SUPT6H: variants seen among roughly 807,000 people sequenced by gnomAD.
The protein encoded by SUPT6H is SPT6 homolog, histone chaperone and transcription elongation factor.
A neutral mutation model predicts 222.3 loss-of-function variants in SUPT6H; 11 were observed. The ratio of observed to expected loss-of-function variants is 0.05; its 90% CI spans 0.03 to 0.08. SUPT6H has a LOEUF of 0.08. Among genes scored for constraint, SUPT6H ranks in the 10% least tolerant of loss-of-function variants. The pLI is 1.00. For missense variants in SUPT6H, 1,422 were observed against 2,216.0 expected, an observed-to-expected ratio of 0.64 and a Z score of 7.19; for synonymous variants, 762 against 801.2, an observed-to-expected ratio of 0.95 and a Z score of 0.83.
intron 32 of SUPT6H, among the ~76,000 whole-genome samples, chr17:28,698,480 C>CCTGCTCTGCCTG (rs151137595): frequency 1.3e-5 from 2 of 152,196 alleles, no homozygotes; most frequent in African/African-American, 4.8e-5. Flanking sequence ...TGCTCTGTCT[C>CCTGCTCTGCCTG]CTGCTCTGCC....
At chr17:28,666,323 A>G (rs2030006764) in intron 1 of SUPT6H, among the ~76,000 whole-genome samples, 1 of 152,262 alleles carries the variant, frequency 6.6e-6, no homozygotes, top group Non-Finnish European at 1.5e-5. Flanking sequence ...CATGTTATGT[A>G]TGCTGTGCTA....
chr17:28,702,096 A>C lies in SUPT6H; in HGVS notation c.*471A>C, dbSNP rs2032158770. 1 of 155,710 alleles carries C rather than the reference A, an allele frequency of 6.4e-6. No individual in the cohort carries two copies. The highest frequency in any genetic ancestry group is 2.0e-4 in the South Asian group (1 of 4,976). The allele number at this position is 155,710 out of a possible 1,614,324, so 9.6% of individuals were successfully genotyped here. A position where few individuals can be genotyped will look rare whatever the true frequency, so the allele number is the denominator to read the frequency against. On this transcript the variant is annotated 3_prime_UTR_variant, in exon 37 of 37. Coordinates refer to ENST00000314616, the MANE Select transcript of SUPT6H (RefSeq NM_003170.5). Reference sequence around the variant, plus strand: ...GGAAAGTATTTCTGACCCTGATGCCAACAGCCGGGTGGCTGTCCAAGCAGG... The same window carrying C: ...GGAAAGTATTTCTGACCCTGATGCCCACAGCCGGGTGGCTGTCCAAGCAGG...
In SUPT6H at chr17:28,688,236, G is replaced by A. The variant is rs772492374; in HGVS notation, c.3134+18G>A. The A allele has an allele frequency of 4.2e-5, 68 of 1,611,028 alleles. No individual in the cohort carries two copies. The highest frequency in any genetic ancestry group is 5.6e-5 in the Non-Finnish European group (66 of 1,178,666). ...GGGGACAGGTGATGCCCTCTGCCTG[G>A]ATGGGGCAGGAGGAATTCCCTTGTG... On this transcript the variant is annotated intron_variant, in intron 24 of 36. Coordinates refer to ENST00000314616, the MANE Select transcript of SUPT6H (RefSeq NM_003170.5). This position sits in a 1 kb window ranked among gnomAD's most constrained non-coding sequence, Gnocchi z 4.3.
At chr17:28,697,792 C>A in intron 31 of SUPT6H, 59 bp downstream of exon 31, 1 of 1,609,714 alleles carries the variant, frequency 6.2e-7, no homozygotes, top group Non-Finnish European at 8.5e-7. Context: ...TGTACGCTTT[C>A]CCTTCAGTAT....
At chr17:28,689,288 G>T in intron 24 of SUPT6H, 66 bp from the exon 25 acceptor site, 1 of 1,487,930 alleles carries the variant, frequency 6.7e-7, no homozygotes, top group Non-Finnish European at 9.3e-7. Flanking sequence ...CCCCATTGGT[G>T]GACATTTGGG....
chr17:28,686,640 A>G lies in SUPT6H; in HGVS notation c.2565-14A>G. 1.3e-6 allele frequency: 2 copies of G among 1,581,744 alleles called. No individual in the cohort carries two copies. The highest frequency in any genetic ancestry group is 1.7e-6 in the Non-Finnish European group (2 of 1,165,836). On this transcript the variant is annotated splice_polypyrimidine_tract_variant and intron_variant, in intron 20 of 36. Coordinates refer to ENST00000314616, the MANE Select transcript of SUPT6H (RefSeq NM_003170.5). Reference sequence around the variant, plus strand: ...TAAGAAAACATATTCATTGACCAACACTCATCCCACCAGGGACGCCCAGAT... The same window carrying G: ...TAAGAAAACATATTCATTGACCAACGCTCATCCCACCAGGGACGCCCAGAT...
chr17:28,678,401 G>C (rs1597697117), intron 9 of SUPT6H, 144 bp from the exon 10 acceptor site: 1 of 892,370 alleles, frequency 1.1e-6, no homozygotes, highest in Non-Finnish European at 1.8e-6. Flanking sequence ...AAAGCACCAG[G>C]CCCTGGAAGG....
At chr17:28,676,009 C>G in intron 6 of SUPT6H, 148 bp from the exon 7 acceptor site, 1 of 898,254 alleles carries the variant, frequency 1.1e-6, no homozygotes, top group Non-Finnish European at 1.6e-6. Context: ...GCCAATGAAG[C>G]CTTTCGTCCA....
At position 28,673,756 on chromosome 17, in the gene SUPT6H, T is replaced by C. The variant is rs113894783; in HGVS notation, c.109+246T>C. The C allele has an allele frequency of 4.7e-5, 23 of 494,194 alleles. No homozygotes were observed. The Middle Eastern group carries it at 1.6e-3, about 34-fold the overall frequency. 30.6% of individuals were successfully genotyped at this position (494,194 alleles called of 1,614,324 possible). On this transcript the variant is annotated intron_variant, in intron 2 of 36. Transcript: ENST00000314616. ...TGTGGAGTTTACTTTAGTTGGGGGG[T>C]GGTTGATAATAAATCAGTAGATAAG...
In SUPT6H at chr17:28,675,105, G is replaced by A. The variant is rs1444347644; in HGVS notation, c.481G>A (p.Ala161Thr). Residue 161 changes from alanine (A) to threonine (T), a missense_variant, in exon 5 of 37, where the codon GCC (alanine) becomes ACC (threonine). Ala to Thr is a moderately conservative substitution (Grantham distance 58, BLOSUM62 0). Around this residue, in one of 13 missense-constraint regions of SUPT6H, gnomAD observed 389 missense variants for 544.6 expected, o/e 0.71. Coordinates refer to ENST00000314616, the MANE Select transcript of SUPT6H (RefSeq NM_003170.5). ...TGGGGAAGGGGAAGAAGGGCAGGAG[G>A]CCATGGAGGCCCCCATGGCTCCTCC... ...QDGEGEEGQE[A>T]MEAPMAPPEE... 2 of 1,614,014 alleles carry A rather than the reference G, an allele frequency of 1.2e-6. No individual in the cohort carries two copies. The highest frequency in any genetic ancestry group is 1.7e-6 in the Non-Finnish European group (2 of 1,179,978).
chr17:28,663,396 G>A (rs1441861092), intron 1 of SUPT6H, among the ~76,000 whole-genome samples: 1 of 152,166 alleles, frequency 6.6e-6, no homozygotes, highest in East Asian at 1.9e-4. Context: ...AACTCTAGGA[G>A]GTTTTAACTT....
At position 28,678,942 on chromosome 17, in the gene SUPT6H, T is replaced by A. The variant is rs373962338; in HGVS notation, c.1328T>A (p.Leu443Gln). 5 of 1,614,238 alleles carry A rather than the reference T, an allele frequency of 3.1e-6. No homozygotes were observed. The highest frequency in any genetic ancestry group is 4.2e-6 in the Non-Finnish European group (5 of 1,180,040). ...CCTCTTGCTGATGGCATCCGGGCTC[T>A]GGACACCACTGACATGGAGAGGTAA... is the stretch of plus-strand genomic sequence containing the variant. ...DKPLADGIRALDTTDMERLKD... is the reference protein window; with the variant it reads ...DKPLADGIRAQDTTDMERLKD... Residue 443 changes from leucine (L) to glutamine (Q), a missense_variant, in exon 11 of 37, where the codon CTG becomes CAG. Physicochemically the swap from Leu to Gln is moderately radical, Grantham distance 113. Transcript: ENST00000314616.
intron 25 of SUPT6H, 120 bp downstream of exon 25, chr17:28,689,681 C>T: frequency 2.1e-6 from 2 of 947,430 alleles, no homozygotes; most frequent in Non-Finnish European, 3.2e-6. Context: ...AGACTTGATC[C>T]TCATCTCCCT....
intron 1 of SUPT6H, among the ~76,000 whole-genome samples, chr17:28,669,663 G>A (rs1376540643): frequency 6.6e-6 from 1 of 152,206 alleles, no homozygotes; most frequent in East Asian, 1.9e-4. Flanking sequence ...AGCCGGGCGT[G>A]GTGGCTCACG....
rs760915054 is a variant in SUPT6H at position 28,676,154 on chromosome 17, C to T, written c.624-3C>T. The stretch of plus-strand genomic sequence containing the variant: ...GCCACCTGCCTCTTGCTGCCACCTA[C>T]AGGGCCCTGCAAGAAGCCCAGGAAA... On this transcript the variant is annotated splice_region_variant and splice_polypyrimidine_tract_variant and intron_variant, in intron 6 of 36. Transcript: ENST00000314616. 1 of 1,581,932 alleles carries T rather than the reference C, an allele frequency of 6.3e-7. No homozygotes were observed. The highest frequency in any genetic ancestry group is 2.2e-5 in the East Asian group (1 of 44,736).
chr17:28,688,358 C>A lies in SUPT6H; in HGVS notation c.3134+140C>A. The stretch of plus-strand genomic sequence containing the variant: ...TAAAGAAAAGGTAAGGAACTTTATT[C>A]AGTCAAGAGCCCCTGACCTATGGAA... On this transcript the variant is annotated intron_variant, in intron 24 of 36. Transcript: ENST00000314616. This position sits in a 1 kb window ranked among gnomAD's most constrained non-coding sequence, Gnocchi z 4.3. The A allele has an allele frequency of 9.3e-7, 1 of 1,073,130 alleles. No homozygotes were observed. The highest frequency in any genetic ancestry group is 1.9e-5 in the South Asian group (1 of 52,040). 66.5% of individuals were successfully genotyped at this position (1,073,130 alleles called of 1,614,324 possible).
In SUPT6H at chr17:28,692,321, CA is replaced by C. The variant is rs764698257; in HGVS notation, c.3633+1273del. Among the ~76,000 whole-genome samples the C allele has an allele frequency of 1.9e-3, 206 of 109,962 alleles. 1 individual carries two copies. The highest frequency in any genetic ancestry group is 1.9e-3 in the Admixed American group (20 of 10,488). The allele number at this position is 109,962 out of a possible 152,430, so 72.1% of individuals were successfully genotyped here. ...CCTGGGCGACAGCGAGACTCTGTCTCAAAAAAAAAAAAAAAGTGGGGAGGGG... is the reference window on the plus strand; with the variant it reads ...CCTGGGCGACAGCGAGACTCTGTCTCAAAAAAAAAAAAAAGTGGGGAGGGG... On this transcript the variant is annotated intron_variant, in intron 27 of 36. Transcript: ENST00000314616.
chr17:28,689,331 T>C (rs2031540345), intron 24 of SUPT6H, 23 bp from the exon 25 acceptor site: 5 of 1,613,154 alleles, frequency 3.1e-6, no homozygotes, highest in Non-Finnish European at 4.2e-6. Context: ...CTATATCCTG[T>C]TCCTTTTCTG....
At position 28,684,935 on chromosome 17, in the gene SUPT6H, T is replaced by C; in HGVS notation, c.2461T>C (p.Trp821Arg). 1 of 1,614,086 alleles carries C rather than the reference T, an allele frequency of 6.2e-7. No homozygotes were observed. Among genetic ancestry groups the C allele is most frequent in the East Asian group, 2.2e-5 (1 of 44,890 alleles). ...CCATTTTACCAAACGGCGAACTGCA[T>C]GGAGAGAGGAAGAGCGGGAAAAGAA... Reference protein sequence around the residue: ...LPHFTKRRTAWREEEREKKAQ... With the variant: ...LPHFTKRRTARREEEREKKAQ... The change falls in exon 19 of 37, where the codon TGG becomes CGG. Residue 821 changes from tryptophan (W) to arginine (R), a missense_variant. Trp to Arg is a moderately radical substitution (Grantham distance 101). This residue lies in a region of SUPT6H where 294 missense variants were observed against 382.1 expected (regional missense o/e 0.77). Transcript: ENST00000314616.
Sources: gnomAD v4.1 joint callset for allele counts (sites outside exome capture counted in the v4.1 genomes callset) on GRCh38, gnomAD v4.1.1 for gene constraint, gnomAD v4.1.1 regional missense constraint, Gnocchi (gnomAD v3.1) non-coding constraint, MANE v1.5 for transcripts, NCBI Gene and HGNC (gene_info 2026-07-23, HGNC 2026-07-21) for gene names.